Variants in SCIN observed in about 807,000 individuals in gnomAD.
SCIN encodes the protein scinderin.
In SCIN, 91 loss-of-function variants were observed where a neutral mutation model predicts 91.8. The observed-to-expected ratio is 0.99, with a 90% CI of 0.84 to 1.18. SCIN has a LOEUF of 1.18. Among genes scored for constraint, SCIN ranks in the 50% most tolerant of loss-of-function variants. SCIN has a pLI of 0.00. For synonymous variants in SCIN, 367 were observed against 312.6 expected (o/e 1.17, Z -1.84); for missense variants, 1,087 against 863.9 (o/e 1.26, Z -3.24).
chr7:12,620,338 C>T (rs1783381997), intron 4 of SCIN, among the ~76,000 whole-genome samples: 1 of 152,030 alleles, frequency 6.6e-6, no homozygotes, highest in African/African-American at 2.4e-5. Context: ...ATTCTTTCAC[C>T]AACATTTCTC....
chr7:12,614,525 G>C (rs1395646935), intron 4 of SCIN, among the ~76,000 whole-genome samples: 1 of 152,136 alleles, frequency 6.6e-6, no homozygotes, highest in Admixed American at 6.6e-5. Flanking sequence ...GGGGCAGGTT[G>C]TTATTTGAAA....
chr7:12,609,175 A>G (rs1466686259), intron 4 of SCIN, among the ~76,000 whole-genome samples: 2 of 152,170 alleles, frequency 1.3e-5, no homozygotes, highest in Non-Finnish European at 2.9e-5. Context: ...CATCATTAAC[A>G]AGACTGTCTG....
At chr7:12,641,418 C>A (rs568761994) in intron 11 of SCIN, among the ~76,000 whole-genome samples, 513 of 152,280 alleles carry the variant, frequency 3.4e-3, no homozygotes, top group Non-Finnish European at 5.5e-3. Context: ...CCTCCCTGCT[C>A]ACCCTTACCT....
chr7:12,634,852 G>T (rs530509488), intron 9 of SCIN, among the ~76,000 whole-genome samples: 1 of 152,250 alleles, frequency 6.6e-6, no homozygotes, highest in South Asian at 2.1e-4. Flanking sequence ...ACCCTTATCT[G>T]AGTGTTGGAA....
chr7:12,581,967 C>A (rs565333990), intron 3 of SCIN, among the ~76,000 whole-genome samples: 8 of 152,296 alleles, frequency 5.3e-5, no homozygotes, highest in Non-Finnish European at 1.2e-4. Flanking sequence ...GCAATGAAAG[C>A]AAGAAAGCAC....
chr7:12,610,904 G>A (rs992053527), intron 4 of SCIN: 2 of 152,164 alleles, frequency 1.3e-5, no homozygotes, highest in Non-Finnish European at 2.9e-5. Context: ...GAAACATGTA[G>A]CTAGTATCTA....
intron 3 of SCIN, among the ~76,000 whole-genome samples, chr7:12,593,624 T>C (rs1782773949): frequency 6.6e-6 from 1 of 152,162 alleles, no homozygotes. Context: ...GGGAAAGAGA[T>C]TGGGCAGGAT....
intron 3 of SCIN, among the ~76,000 whole-genome samples, chr7:12,590,106 G>A (rs1782686777): frequency 3.9e-5 from 6 of 152,188 alleles, no homozygotes; most frequent in Admixed American, 3.9e-4. Flanking sequence ...TGAAGCTAGG[G>A]GCCATTGTCT....
chr7:12,575,154 G>C (rs1470103929), intron 1 of SCIN, among the ~76,000 whole-genome samples: 1 of 151,722 alleles, frequency 6.6e-6, no homozygotes, highest in Non-Finnish European at 1.5e-5. Context: ...TTTCTATATA[G>C]AAATGTGACT....
intron 3 of SCIN, among the ~76,000 whole-genome samples, chr7:12,603,230 T>C (rs1782995761): frequency 6.6e-6 from 1 of 152,068 alleles, no homozygotes; most frequent in Non-Finnish European, 1.5e-5. Context: ...CTGCAAGCTT[T>C]GCCTCCCGGG....
chr7:12,583,713 C>A (rs140888059), intron 3 of SCIN, among the ~76,000 whole-genome samples: 2 of 152,118 alleles, frequency 1.3e-5, no homozygotes, highest in East Asian at 3.9e-4. Flanking sequence ...TGGTGGTAGA[C>A]AGGTTGTAGT....
chr7:12,616,353 T>C (rs1031282996), intron 4 of SCIN, among the ~76,000 whole-genome samples: 3 of 152,106 alleles, frequency 2.0e-5, no homozygotes, highest in African/African-American at 7.2e-5. Flanking sequence ...AGTGGGTTTA[T>C]TATTATCTAA....
intron 1 of SCIN, 195 bp from the exon 2 acceptor site, chr7:12,577,869 A>G: frequency 3.8e-6 from 2 of 528,278 alleles, no homozygotes; most frequent in Non-Finnish European, 6.5e-6. Context: ...AAAAAAAAAA[A>G]TAGACTAAAA....
rs138868454 is a variant in SCIN at position 12,594,187 on chromosome 7, G to T, written c.517-10327G>T. Among the ~76,000 whole-genome samples the T allele has an allele frequency of 7.5e-3, 1,140 of 152,126 alleles. 17 individuals are homozygous for T. Among genetic ancestry groups the T allele is most frequent in the African/African-American group, 0.026 (1,063 of 41,520 alleles). On this transcript the variant is annotated intron_variant, in intron 3 of 15. Transcript: ENST00000297029. ...CAGAAGTGGGTTGGTTGGAGAGAGT[G>T]GGGGAGAGGGGTAGAGCCGGAGCAG...
intron 3 of SCIN, among the ~76,000 whole-genome samples, chr7:12,591,340 G>A (rs931339307): frequency 6.6e-6 from 1 of 152,112 alleles, no homozygotes; most frequent in African/African-American, 2.4e-5. Context: ...TGTGGACGGT[G>A]GTATTCTGGC....
At chr7:12,625,910 C>T (rs1174276319) in intron 7 of SCIN, 60 bp downstream of exon 7, 3 of 1,224,530 alleles carry the variant, frequency 2.4e-6, no homozygotes, top group Non-Finnish European at 3.5e-6. Context: ...CATGACATCT[C>T]CACGAAACTC....
chr7:12,576,643 C>T (rs1352289441), intron 1 of SCIN, among the ~76,000 whole-genome samples: 1 of 152,124 alleles, frequency 6.6e-6, no homozygotes, highest in Non-Finnish European at 1.5e-5. Flanking sequence ...CAAAAAAATA[C>T]CCACAAGTGT....
chr7:12,593,764 G>A (rs76606668), intron 3 of SCIN, among the ~76,000 whole-genome samples: 4,758 of 152,214 alleles, frequency 0.031, 122 homozygotes, highest in Non-Finnish European at 0.049. Context: ...CTGTGGGTTG[G>A]TATTCCCAGG....
intron 7 of SCIN, chr7:12,626,159 G>T (rs1353579807): frequency 6.0e-6 from 2 of 332,626 alleles, no homozygotes; most frequent in Non-Finnish European, 5.4e-6. Context: ...AGAGCAAGTT[G>T]TGCAGACTTG....
Sources: allele counts gnomAD v4.1 joint callset (sites outside exome capture counted in the v4.1 genomes callset), GRCh38; gene constraint gnomAD v4.1.1; transcripts MANE v1.5; gene names NCBI Gene and HGNC (gene_info 2026-07-23, HGNC 2026-07-21).